DENND1A: variants seen among roughly 807,000 people sequenced by gnomAD.
DENND1A encodes the protein DENN domain containing 1A, also known as DENN domain-containing protein 1A.
A neutral mutation model predicts 113.7 loss-of-function variants in DENND1A; 51 were observed. That is an observed-to-expected ratio of 0.45 (90% CI 0.36 to 0.57). DENND1A has a LOEUF of 0.57. Among genes scored for constraint, DENND1A ranks in the 20% least tolerant of loss-of-function variants. DENND1A has a pLI of 0.00. For missense variants in DENND1A, 1,258 were observed against 1,395.9 expected (o/e 0.90, Z 1.57); for synonymous variants, 565 against 570.8 (o/e 0.99, Z 0.14).
intron 10 of DENND1A, among the ~76,000 whole-genome samples, chr9:123,615,239 G>A (rs1394709970): frequency 6.6e-6 from 1 of 152,236 alleles, no homozygotes; most frequent in Non-Finnish European, 1.5e-5. Context: ...CATAAGGAGG[G>A]TGCTATCAGA....
intron 13 of DENND1A, among the ~76,000 whole-genome samples, chr9:123,499,813 C>T (rs2134202234): frequency 1.3e-5 from 2 of 152,330 alleles, no homozygotes; most frequent in East Asian, 3.9e-4. Flanking sequence ...TGGCTGCTCC[C>T]ACAGCTCTTC....
chr9:123,383,455 TCTC>T (rs1470834101), intron 23 of DENND1A, among the ~76,000 whole-genome samples, 197 bp downstream of exon 23: 1 of 152,150 alleles, frequency 6.6e-6, no homozygotes, highest in African/African-American at 2.4e-5. Flanking sequence ...TCTAGCATCT[TCTC>T]CTACCGTCAC....
intron 11 of DENND1A, among the ~76,000 whole-genome samples, chr9:123,587,107 G>A (rs2059210881): frequency 6.6e-6 from 1 of 151,858 alleles, no homozygotes; most frequent in Admixed American, 6.6e-5. Flanking sequence ...ACAATGCACT[G>A]GATATACCAG....
chr9:123,395,468 CTG>C (rs60527655), intron 21 of DENND1A, among the ~76,000 whole-genome samples: 83 of 142,850 alleles, frequency 5.8e-4, no homozygotes, highest in African/African-American at 1.9e-3. Context: ...CTCTCTCTCT[CTG>C]TGTGTGTGTG....
chr9:123,596,685 G>A (rs1233921327), intron 11 of DENND1A, among the ~76,000 whole-genome samples: 1 of 152,186 alleles, frequency 6.6e-6, no homozygotes, highest in East Asian at 1.9e-4. Flanking sequence ...CACGTCTCTT[G>A]TGACCTCCAT....
chr9:123,550,811 C>T (rs2056999228), intron 13 of DENND1A, among the ~76,000 whole-genome samples: 1 of 152,180 alleles, frequency 6.6e-6, no homozygotes, highest in African/African-American at 2.4e-5. Context: ...AACCATACTG[C>T]TACACATATC....
At chr9:123,862,183 T>C (rs1251168196) in intron 2 of DENND1A, among the ~76,000 whole-genome samples, 4 of 152,190 alleles carry the variant, frequency 2.6e-5, no homozygotes, top group Non-Finnish European at 5.9e-5. Context: ...ACCCATAAAG[T>C]ATATTATATA....
chr9:123,860,345 T>A (rs1183283300), intron 2 of DENND1A, among the ~76,000 whole-genome samples: 1 of 152,238 alleles, frequency 6.6e-6, no homozygotes, highest in Non-Finnish European at 1.5e-5. Context: ...ACAGGGAGCC[T>A]ACTCTAGTCA....
intron 1 of DENND1A, among the ~76,000 whole-genome samples, chr9:123,920,170 C>T (rs1855956826): frequency 6.6e-6 from 1 of 152,198 alleles, no homozygotes; most frequent in Non-Finnish European, 1.5e-5. Flanking sequence ...GTGGCTCAAG[C>T]CTGTAATCCC....
At chr9:123,716,212 T>C (rs2066966908) in intron 5 of DENND1A, among the ~76,000 whole-genome samples, 1 of 152,196 alleles carries the variant, frequency 6.6e-6, no homozygotes, top group Non-Finnish European at 1.5e-5. Flanking sequence ...GCAATCATTG[T>C]TTTTCAGTTA....
intron 16 of DENND1A, 141 bp from the exon 17 acceptor site, chr9:123,452,488 T>C: frequency 1.4e-6 from 1 of 700,348 alleles, no homozygotes; most frequent in African/African-American, 1.8e-5. Flanking sequence ...GGATGATAAC[T>C]GGTCCCTGCC....
chr9:123,625,145 T>C (rs2061143383), intron 10 of DENND1A, among the ~76,000 whole-genome samples: 1 of 152,198 alleles, frequency 6.6e-6, no homozygotes. Context: ...ATAATTCTCT[T>C]AATAAAAATT....
At chr9:123,530,022 G>C (rs549354376) in intron 13 of DENND1A, among the ~76,000 whole-genome samples, 1 of 152,268 alleles carries the variant, frequency 6.6e-6, no homozygotes, top group East Asian at 1.9e-4. Flanking sequence ...GAGTTCGCCA[G>C]AACAAATAAC....
At chr9:123,406,945 T>C (rs906058396) in intron 20 of DENND1A, among the ~76,000 whole-genome samples, 2 of 152,006 alleles carry the variant, frequency 1.3e-5, no homozygotes, top group Non-Finnish European at 2.9e-5. Context: ...AACTTGTGGC[T>C]GAAATGGGGG....
chr9:123,759,160 A>G (rs2070827347), intron 4 of DENND1A: 1 of 152,218 alleles, frequency 6.6e-6, no homozygotes, highest in African/African-American at 2.4e-5. Context: ...TCAGTTTACC[A>G]GTTAGCTTGG....
At chr9:123,740,899 T>TGAGAGAGAGAGA (rs56006420) in intron 5 of DENND1A, among the ~76,000 whole-genome samples, 1,921 of 108,782 alleles carry the variant, frequency 0.018, 176 homozygotes, top group African/African-American at 0.035. Context: ...GAAGGGAAAG[T>TGAGAGAGAGAGA]GAGAGAGAGA....
At chr9:123,490,798 T>G (rs12350892) in intron 13 of DENND1A, among the ~76,000 whole-genome samples, 1 of 152,186 alleles carries the variant, frequency 6.6e-6, no homozygotes, top group Non-Finnish European at 1.5e-5. Flanking sequence ...TTTTTCATCC[T>G]AGGCCACAGG....
chr9:123,645,827 A>G (rs2062290702), intron 9 of DENND1A, among the ~76,000 whole-genome samples: 1 of 152,256 alleles, frequency 6.6e-6, no homozygotes, highest in African/African-American at 2.4e-5. Context: ...AAGTAATCAC[A>G]TTCAACACAG....
At chr9:123,698,630 A>G (rs114725760) in intron 5 of DENND1A, among the ~76,000 whole-genome samples, 27 of 152,362 alleles carry the variant, frequency 1.8e-4, no homozygotes, top group African/African-American at 5.3e-4. Flanking sequence ...GTTTTACAAC[A>G]TGAGTCTAAC....
Sources: gnomAD v4.1 joint callset for allele counts (sites outside exome capture counted in the v4.1 genomes callset) on GRCh38, gnomAD v4.1.1 for gene constraint, MANE v1.5 for transcripts, NCBI Gene and HGNC (gene_info 2026-07-23, HGNC 2026-07-21) for gene names.